Variants in ZNF536 observed in about 807,000 individuals in gnomAD.
ZNF536 encodes the protein zinc finger protein 536.
ZNF536 carries 13 observed loss-of-function variants against 84.5 expected under a neutral mutation model. The ratio of observed to expected loss-of-function variants is 0.15; its 90% CI spans 0.10 to 0.24. The LOEUF (loss-of-function observed/expected upper bound fraction) is 0.24, where lower values mean the gene tolerates loss of function less well. ZNF536 is among the 10% of genes least tolerant of loss of function. The pLI is 1.00. For synonymous variants in ZNF536, 811 were observed against 742.5 expected (o/e 1.09, Z -1.50); for missense variants, 1,536 against 1,747.5 (o/e 0.88, Z 2.16).
chr19:30,557,529 C>A lies in ZNF536; in HGVS notation c.*365C>A. ...ACCTGGCTGGGGGTGGGGGGCTGTT[C>A]CACCAGCTCACCTGAGCATGTAGAG... On this transcript the variant is annotated 3_prime_UTR_variant, in exon 5 of 5. Coordinates refer to ENST00000355537, the MANE Select transcript of ZNF536 (RefSeq NM_014717.3). 5 of 202,658 alleles carry A rather than the reference C, an allele frequency of 2.5e-5. No homozygotes were observed. The highest frequency in any genetic ancestry group is 2.9e-4 in the South Asian group (2 of 6,994). 12.6% of individuals were successfully genotyped at this position (202,658 alleles called of 1,614,324 possible).
intron 1 of ZNF536, among the ~76,000 whole-genome samples, chr19:30,232,370 A>G (rs1197350652): frequency 1.3e-5 from 2 of 152,072 alleles, no homozygotes; most frequent in African/African-American, 4.8e-5. Flanking sequence ...CTGGGGTACA[A>G]TGCATCCCGT....
chr19:30,446,830 CA>C (rs1375727700), intron 2 of ZNF536, among the ~76,000 whole-genome samples: 4 of 142,012 alleles, frequency 2.8e-5, no homozygotes, highest in Admixed American at 1.4e-4. Flanking sequence ...ACAACAACAA[CA>C]ACAACAACAA....
Position 30,557,155 on chromosome 19 carries a change from A to G in ZNF536, c.3896-2A>G, listed in dbSNP as rs769598360. ...TTAATAAATCTGCACATTTTCTTGC[A>G]GGTAAGTGACACTCCCTGTCCTAGT... On this transcript the variant is annotated splice_acceptor_variant, in intron 4 of 4. Transcript: ENST00000355537. LOFTEE classifies it high-confidence loss of function. 1 of 1,613,502 alleles carries G rather than the reference A, an allele frequency of 6.2e-7. No homozygotes were observed. The highest frequency in any genetic ancestry group is 2.2e-5 in the East Asian group (1 of 44,862).
upstream of ZNF536, among the ~76,000 whole-genome samples, chr19:30,370,691 A>G (rs1479811097): frequency 6.6e-6 from 1 of 152,216 alleles, no homozygotes; most frequent in Non-Finnish European, 1.5e-5. Context: ...CATCAATATC[A>G]ATACTTAACA....
chr19:30,264,209 C>G (rs1445808939), intron 1 of ZNF536, among the ~76,000 whole-genome samples: 1 of 152,134 alleles, frequency 6.6e-6, no homozygotes, highest in East Asian at 1.9e-4. Flanking sequence ...CCCTCTATCC[C>G]CATCAGTATT....
At chr19:30,348,357 G>A (rs2047815754) in intron 2 of ZNF536, among the ~76,000 whole-genome samples, 1 of 152,190 alleles carries the variant, frequency 6.6e-6, no homozygotes, top group African/African-American at 2.4e-5. Flanking sequence ...ACAGTGTCAG[G>A]GTACCTAAGA....
At chr19:30,697,817 C>A (rs925109548) in intron 1 of ZNF536, among the ~76,000 whole-genome samples, 1 of 152,184 alleles carries the variant, frequency 6.6e-6, no homozygotes, top group African/African-American at 2.4e-5. Context: ...GTGCCATATG[C>A]CCTCCAGAAG....
chr19:30,596,577 A>G (rs1263932061), intron 1 of ZNF536, among the ~76,000 whole-genome samples: 1 of 152,192 alleles, frequency 6.6e-6, no homozygotes, highest in Non-Finnish European at 1.5e-5. Context: ...AGTCAGAAGG[A>G]GCAGTAAATT....
At chr19:30,290,616 G>T (rs1045149563) in intron 2 of ZNF536, among the ~76,000 whole-genome samples, 2 of 152,224 alleles carry the variant, frequency 1.3e-5, no homozygotes, top group African/African-American at 4.8e-5. Context: ...CACTTGGGCT[G>T]CTTCCACCTC....
At chr19:30,628,530 G>A (rs138585721) in intron 1 of ZNF536, among the ~76,000 whole-genome samples, 1,868 of 150,812 alleles carry the variant, frequency 0.012, 38 homozygotes, top group African/African-American at 0.043. Context: ...CCGGGTTCAC[G>A]CCATTCTCCT....
intron 3 of ZNF536, among the ~76,000 whole-genome samples, chr19:30,536,043 A>G (rs2045064085): frequency 6.6e-6 from 1 of 152,108 alleles, no homozygotes. Flanking sequence ...GGGCCGAGTC[A>G]CCAGCCCTGT....
chr19:30,508,488 G>T (rs2055263820), intron 2 of ZNF536, among the ~76,000 whole-genome samples: 1 of 152,182 alleles, frequency 6.6e-6, no homozygotes, highest in Admixed American at 6.5e-5. Context: ...GCTGCCACAT[G>T]GTGAATGACA....
intron 2 of ZNF536, among the ~76,000 whole-genome samples, chr19:30,530,331 T>TTGTTG (rs774099039): frequency 0.022 from 3,301 of 151,410 alleles, 60 homozygotes; most frequent in Admixed American, 0.031. Context: ...TCTCTGTCTT[T>TTGTTG]TTGTTGTTGT....
intron 1 of ZNF536, among the ~76,000 whole-genome samples, chr19:30,589,179 G>A (rs537252497): frequency 2.6e-4 from 39 of 152,236 alleles, no homozygotes; most frequent in East Asian, 9.7e-4. Flanking sequence ...TCTTTGCATC[G>A]GTTACCACCA....
chr19:30,297,669 G>A (rs1315297728), intron 2 of ZNF536, among the ~76,000 whole-genome samples: 1 of 152,132 alleles, frequency 6.6e-6, no homozygotes, highest in Admixed American at 6.5e-5. Context: ...AATGATGGCC[G>A]CTCGAGTAAA....
At chr19:30,383,771 CTT>C (rs775902710) in intron 1 of ZNF536, among the ~76,000 whole-genome samples, 35,951 of 81,082 alleles carry the variant, frequency 0.44, 11,777 homozygotes, top group Non-Finnish European at 0.57. Context: ...TTCTTTCTTT[CTT>C]TTCTTTCTTT....
At chr19:30,369,121 G>A (rs1351585842), upstream of ZNF536, among the ~76,000 whole-genome samples, 1 of 152,166 alleles carries the variant, frequency 6.6e-6, no homozygotes, top group East Asian at 1.9e-4. Context: ...GTGCTTATGT[G>A]CACTGTCTGG....
At chr19:30,678,523 C>A (rs921972303) in intron 1 of ZNF536, among the ~76,000 whole-genome samples, 1 of 152,182 alleles carries the variant, frequency 6.6e-6, no homozygotes, top group Non-Finnish European at 1.5e-5. Flanking sequence ...TTACCTGTCC[C>A]AGCTCAGTTT....
At chr19:30,400,397 G>A (rs763117588) in intron 1 of ZNF536, among the ~76,000 whole-genome samples, 54 of 152,102 alleles carry the variant, frequency 3.6e-4, no homozygotes, top group Non-Finnish European at 5.4e-4. Flanking sequence ...ATTTAGTATC[G>A]TCATTTTGAA....
Sources: gnomAD v4.1 joint callset for allele counts (sites outside exome capture counted in the v4.1 genomes callset) on GRCh38, gnomAD v4.1.1 for gene constraint, MANE v1.5 for transcripts, NCBI Gene and HGNC (gene_info 2026-07-23, HGNC 2026-07-21) for gene names.